The following ZFYVE9 variants were observed in gnomAD, a reference collection of about 807,000 sequenced individuals.
The protein encoded by ZFYVE9 is zinc finger FYVE domain-containing protein 9.
Under a neutral mutation model 126.7 loss-of-function variants are expected in ZFYVE9, and 43 were observed. The ratio of observed to expected loss-of-function variants is 0.34; its 90% CI spans 0.27 to 0.44. The LOEUF is 0.44. ZFYVE9 is among the 20% of genes least tolerant of loss of function. The pLI, the probability that ZFYVE9 is intolerant of heterozygous loss-of-function variation, is 1.00. For synonymous variants in ZFYVE9, 521 were observed against 597.4 expected, an observed-to-expected ratio of 0.87 and a Z score of 1.87; for missense variants, 1,476 against 1,697.0, an observed-to-expected ratio of 0.87 and a Z score of 2.29.
intron 1 of ZFYVE9, among the ~76,000 whole-genome samples, chr1:52,182,029 C>T (rs990594611): frequency 2.6e-5 from 4 of 151,496 alleles, no homozygotes; most frequent in Admixed American, 2.6e-4. Flanking sequence ...GGCCAGCCGC[C>T]CCGTCCGGGA....
intron 7 of ZFYVE9, among the ~76,000 whole-genome samples, chr1:52,270,119 C>T (rs966680090): frequency 2.1e-4 from 32 of 152,278 alleles, no homozygotes; most frequent in Admixed American, 1.3e-3. Context: ...GGTTGCACTT[C>T]ACCACTTAAT....
chr1:52,173,969 A>T (rs1393791692), intron 1 of ZFYVE9, among the ~76,000 whole-genome samples: 1 of 79,592 alleles, frequency 1.3e-5, no homozygotes, highest in Admixed American at 1.7e-4. Context: ...GGATTCATTA[A>T]TTTTTTGAAG....
intron 16 of ZFYVE9, among the ~76,000 whole-genome samples, chr1:52,338,675 T>G (rs1646409954): frequency 6.6e-6 from 1 of 152,222 alleles, no homozygotes; most frequent in Non-Finnish European, 1.5e-5. Flanking sequence ...CTAAATGAAG[T>G]GAATGCCTGA....
intron 4 of ZFYVE9, among the ~76,000 whole-genome samples, chr1:52,256,210 C>T (rs1002489134): frequency 6.6e-6 from 1 of 151,704 alleles, no homozygotes; most frequent in East Asian, 1.9e-4. Context: ...AGATAACAGG[C>T]GTGTGCCACC....
intron 17 of ZFYVE9, among the ~76,000 whole-genome samples, chr1:52,344,447 C>A (rs2147880439): frequency 6.6e-6 from 1 of 152,292 alleles, no homozygotes; most frequent in Admixed American, 6.5e-5. Flanking sequence ...CAGGGATTAC[C>A]TTTTAGTGGC....
chr1:52,267,900 T>C (rs1258152876), intron 6 of ZFYVE9, among the ~76,000 whole-genome samples: 1 of 152,234 alleles, frequency 6.6e-6, no homozygotes, highest in Non-Finnish European at 1.5e-5. Flanking sequence ...GTCTTTTTCT[T>C]CTTCAGTTAC....
chr1:52,185,819 C>A (rs1172989730), intron 1 of ZFYVE9, among the ~76,000 whole-genome samples: 2 of 150,474 alleles, frequency 1.3e-5, no homozygotes, highest in African/African-American at 4.9e-5. Context: ...ACTTGAGAGG[C>A]TGAGACTGGA....
chr1:52,233,602 T>C (rs1355955061), intron 3 of ZFYVE9, among the ~76,000 whole-genome samples: 1 of 152,216 alleles, frequency 6.6e-6, no homozygotes, highest in East Asian at 1.9e-4. Flanking sequence ...AACTACCCTA[T>C]ACAATGAATG....
At chr1:52,300,805 G>C (rs1646025730) in intron 12 of ZFYVE9, among the ~76,000 whole-genome samples, 1 of 150,608 alleles carries the variant, frequency 6.6e-6, no homozygotes, top group Non-Finnish European at 1.5e-5. Flanking sequence ...TTCATATTTG[G>C]AAGATACTTT....
At chr1:52,201,710 C>T (rs1056765600) in intron 1 of ZFYVE9, among the ~76,000 whole-genome samples, 8 of 151,704 alleles carry the variant, frequency 5.3e-5, no homozygotes, top group African/African-American at 1.9e-4. Context: ...TTCCGACAGT[C>T]TGTGTCTTTT....
intron 2 of ZFYVE9, among the ~76,000 whole-genome samples, chr1:52,224,828 G>A (rs905870370): frequency 5.9e-5 from 9 of 152,034 alleles, no homozygotes; most frequent in Non-Finnish European, 7.4e-5. Flanking sequence ...TAAATGTCTC[G>A]TATTAGAGAT....
intron 1 of ZFYVE9, among the ~76,000 whole-genome samples, chr1:52,173,960 G>C (rs1328154907): frequency 7.6e-6 from 1 of 132,218 alleles, no homozygotes; most frequent in Non-Finnish European, 1.7e-5. Flanking sequence ...CCGGCTCCTG[G>C]ATTCATTAAT....
At chr1:52,320,195 C>T (rs916565515) in intron 13 of ZFYVE9, among the ~76,000 whole-genome samples, 6 of 151,764 alleles carry the variant, frequency 4.0e-5, no homozygotes, top group Non-Finnish European at 5.9e-5. Context: ...CTCATCCTCC[C>T]GAGTACCTGG....
intron 13 of ZFYVE9, among the ~76,000 whole-genome samples, chr1:52,310,870 T>TGTC (rs1210053758): frequency 6.6e-6 from 1 of 152,202 alleles, no homozygotes; most frequent in African/African-American, 2.4e-5. Context: ...TTGTTGTTGT[T>TGTC]GTCATTGTTT....
chr1:52,321,610 G>C (rs1646239954), intron 13 of ZFYVE9, among the ~76,000 whole-genome samples: 1 of 152,170 alleles, frequency 6.6e-6, no homozygotes, highest in African/African-American at 2.4e-5. Flanking sequence ...CTTCTCTCTT[G>C]TGTACATGCC....
intron 4 of ZFYVE9, among the ~76,000 whole-genome samples, chr1:52,247,018 T>A (rs540557091): frequency 2.0e-5 from 3 of 152,100 alleles, no homozygotes; most frequent in Admixed American, 1.3e-4. Context: ...ACTAATTTTT[T>A]AAAAAATTTA....
chr1:52,216,605 CT>C (rs982343745), intron 2 of ZFYVE9, 131 bp downstream of exon 2: 3 of 392,492 alleles, frequency 7.6e-6, no homozygotes, highest in African/African-American at 2.1e-5. Context: ...CAGGAGTATG[CT>C]TTTTTTCAAA....
chr1:52,275,531 C>T (rs1308363058), intron 8 of ZFYVE9, among the ~76,000 whole-genome samples: 1 of 152,208 alleles, frequency 6.6e-6, no homozygotes, highest in African/African-American at 2.4e-5. Flanking sequence ...CCCCTTTTCT[C>T]CACAGCCTCA....
At chr1:52,199,511 A>G (rs948978171) in intron 1 of ZFYVE9, among the ~76,000 whole-genome samples, 2 of 152,222 alleles carry the variant, frequency 1.3e-5, no homozygotes, top group Non-Finnish European at 2.9e-5. Context: ...GTGGCTTAAT[A>G]GCTCACTTCT....
Sources: gnomAD v4.1 joint callset for allele counts (sites outside exome capture counted in the v4.1 genomes callset) on GRCh38, gnomAD v4.1.1 for gene constraint, MANE v1.5 for transcripts, NCBI Gene and HGNC (gene_info 2026-07-23, HGNC 2026-07-21) for gene names.